The following PRKN variants were observed in gnomAD, a reference collection of about 807,000 sequenced individuals.
The protein encoded by PRKN is parkin RBR E3 ubiquitin protein ligase.
In PRKN, 56 loss-of-function variants were observed where a neutral mutation model predicts 59.5. That is an observed-to-expected ratio of 0.94 (90% CI 0.76 to 1.18). PRKN has a LOEUF of 1.18. PRKN is among the 50% of genes most tolerant of loss of function. The probability of loss-of-function intolerance (pLI) is 0.00; values close to 1 mark genes in which losing one functional copy is unlikely to be tolerated. For missense variants in PRKN, 657 were observed against 596.4 expected (o/e 1.10, Z -1.06); for synonymous variants, 250 against 222.1 (o/e 1.13, Z -1.12).
At chr6:161,763,031 G>A (rs1301568174) in intron 7 of PRKN, among the ~76,000 whole-genome samples, 4 of 152,192 alleles carry the variant, frequency 2.6e-5, no homozygotes, top group Admixed American at 6.5e-5. Flanking sequence ...AGTTTCTTAA[G>A]ATAAGTCCTG....
At chr6:161,985,700 T>A (rs1386397850) in intron 5 of PRKN, among the ~76,000 whole-genome samples, 2 of 152,184 alleles carry the variant, frequency 1.3e-5, no homozygotes, top group African/African-American at 4.8e-5. Flanking sequence ...CTGGGTTAAT[T>A]ATCTTCCAGG....
rs371372136 is a variant in PRKN, at chr6:161,413,089, T to C, written c.1084-26212A>G. Among the ~76,000 whole-genome samples, 1 of 152,338 alleles carries C rather than the reference T, an allele frequency of 6.6e-6. No homozygotes were observed. Among genetic ancestry groups the C allele is most frequent in the East Asian group, 1.9e-4 (1 of 5,184 alleles). ...TATTCTGGCAGCAAATTCAGCTCCT[T>C]TGGAAATTATATTACCTTTTCTGAA... On this transcript the variant is annotated intron_variant, in intron 9 of 11. Transcript: ENST00000366898. The surrounding 1 kb of genome is among the most constrained non-coding windows in gnomAD (Gnocchi z 4.4).
At chr6:162,661,448 G>A (rs34934114) in intron 1 of PRKN, among the ~76,000 whole-genome samples, 13,214 of 152,212 alleles carry the variant, frequency 0.087, 709 homozygotes, top group Middle Eastern at 0.18. Flanking sequence ...AAGTAGTAAT[G>A]AGGATATACA....
chr6:162,270,509 GAAAAAAATCATTTC>G (rs1780329407), intron 2 of PRKN, among the ~76,000 whole-genome samples: 1 of 151,984 alleles, frequency 6.6e-6, no homozygotes, highest in African/African-American at 2.4e-5. Context: ...TAACTTATGG[GAAAAAAATCATTTC>G]AGTGGAAGGC....
intron 9 of PRKN, among the ~76,000 whole-genome samples, chr6:161,431,378 A>C (rs1298243014): frequency 1.3e-5 from 2 of 152,062 alleles, no homozygotes; most frequent in Non-Finnish European, 2.9e-5. Context: ...AAATCAGCAG[A>C]TAAACATTTT....
chr6:161,695,833 T>C (rs1169152284), intron 7 of PRKN, among the ~76,000 whole-genome samples: 1 of 152,196 alleles, frequency 6.6e-6, no homozygotes, highest in Non-Finnish European at 1.5e-5. Flanking sequence ...GGAGGTGTTT[T>C]TCAATTCCAT....
chr6:161,706,402 C>G (rs749589386), intron 7 of PRKN, among the ~76,000 whole-genome samples: 1 of 152,186 alleles, frequency 6.6e-6, no homozygotes, highest in Non-Finnish European at 1.5e-5. Flanking sequence ...CATAACACCC[C>G]GGGTTCACGC....
intron 6 of PRKN, among the ~76,000 whole-genome samples, chr6:161,786,971 CA>C (rs1316891802): frequency 2.6e-5 from 4 of 151,972 alleles, no homozygotes; most frequent in South Asian, 2.1e-4. Context: ...AAGTTTATGT[CA>C]AACAGGAGAC....
At chr6:161,742,055 C>T (rs374365666) in intron 7 of PRKN, among the ~76,000 whole-genome samples, 82 of 152,072 alleles carry the variant, frequency 5.4e-4, no homozygotes, top group African/African-American at 1.5e-3. Context: ...CTGCAACCTC[C>T]GCCTCCGAGG....
At chr6:162,358,670 T>A (rs1314466050) in intron 2 of PRKN, among the ~76,000 whole-genome samples, 2 of 152,144 alleles carry the variant, frequency 1.3e-5, no homozygotes, top group African/African-American at 2.4e-5. Context: ...TGCATTCAGT[T>A]CTCTAAATCT....
At chr6:162,194,707 T>A (rs932244701) in intron 4 of PRKN, among the ~76,000 whole-genome samples, 1 of 152,194 alleles carries the variant, frequency 6.6e-6, no homozygotes, top group Non-Finnish European at 1.5e-5. Flanking sequence ...ATGTTTATTT[T>A]TATATGTTTA....
intron 6 of PRKN, among the ~76,000 whole-genome samples, chr6:161,796,286 C>G (rs1322045681): frequency 2.6e-5 from 4 of 152,096 alleles, no homozygotes. Flanking sequence ...ATTAACTTCT[C>G]AAAGTGCTAG....
intron 2 of PRKN, among the ~76,000 whole-genome samples, chr6:162,379,908 T>C (rs1786335320): frequency 1.3e-5 from 2 of 152,146 alleles, no homozygotes; most frequent in Admixed American, 1.3e-4. Context: ...GGCAGAGAGG[T>C]TGAATTCCGA....
At chr6:161,542,738 ATGTGCTGGAG>A (rs1313920664) in intron 9 of PRKN, among the ~76,000 whole-genome samples, 6 of 152,158 alleles carry the variant, frequency 3.9e-5, no homozygotes, top group Non-Finnish European at 5.9e-5. Flanking sequence ...TCCAGTCTCT[ATGTGCTGGAG>A]TGTCCAGGCG....
rs139327208 is a variant in PRKN at position 161,558,234 on chromosome 6, T to C, written c.934-9231A>G. On this transcript the variant is annotated intron_variant, in intron 8 of 11. Coordinates refer to ENST00000366898, the MANE Select transcript of PRKN (RefSeq NM_004562.3). ...ACTTTCAAGACCACGCTTTCCACAA[T>C]ACCCAGCTGCCTCTTTCTCTTATTC... 2.9e-3 allele frequency among the ~76,000 whole-genome samples: 448 copies of C among 152,184 alleles called. 6 individuals are homozygous for C. The highest frequency in any genetic ancestry group is 0.01 in the African/African-American group (432 of 41,534).
At chr6:161,534,557 G>T (rs1779342814) in intron 9 of PRKN, among the ~76,000 whole-genome samples, 1 of 152,196 alleles carries the variant, frequency 6.6e-6, no homozygotes, top group Non-Finnish European at 1.5e-5. Context: ...CGGAAACTGG[G>T]TACGAAGGCC....
At chr6:162,309,032 TAC>T (rs960581388) in intron 2 of PRKN, among the ~76,000 whole-genome samples, 8 of 152,244 alleles carry the variant, frequency 5.3e-5, no homozygotes, top group African/African-American at 1.9e-4. Flanking sequence ...GATCAAGCAC[TAC>T]ATTATGTGTC....
chr6:162,494,041 T>C (rs1310023540), intron 1 of PRKN, among the ~76,000 whole-genome samples: 2 of 152,224 alleles, frequency 1.3e-5, no homozygotes, highest in South Asian at 4.1e-4. Context: ...TGTCCATCTA[T>C]TTCGTCTTTC....
intron 1 of PRKN, among the ~76,000 whole-genome samples, chr6:162,459,065 C>T (rs1791040548): frequency 6.6e-6 from 1 of 152,150 alleles, no homozygotes; most frequent in African/African-American, 2.4e-5. Flanking sequence ...GGTGATCCAC[C>T]CTCCTTGGCC....
Sources: gnomAD v4.1 joint callset for allele counts (sites outside exome capture counted in the v4.1 genomes callset) on GRCh38, gnomAD v4.1.1 for gene constraint, Gnocchi (gnomAD v3.1) non-coding constraint, MANE v1.5 for transcripts, NCBI Gene and HGNC (gene_info 2026-07-23, HGNC 2026-07-21) for gene names.